KRT86: variants seen among roughly 807,000 people sequenced by gnomAD.
KRT86 encodes keratin 86.
In KRT86, 30 loss-of-function variants were observed where a neutral mutation model predicts 41.2. That is an observed-to-expected ratio of 0.73 (90% confidence interval 0.54 to 0.99). The LOEUF is 0.99. Ranked by LOEUF, KRT86 falls within the 50% of genes least tolerant of loss-of-function variation. The probability of loss-of-function intolerance (pLI) is 0.00; values close to 1 mark genes in which losing one functional copy is unlikely to be tolerated. For synonymous variants in KRT86, 238 were observed against 238.1 expected (o/e 1.00, Z 0.00); for missense variants, 561 against 571.4 (o/e 0.98, Z 0.19).
Position 52,301,992 on chromosome 12 carries a change from T to G in KRT86, c.76T>G (p.Cys26Gly). ...CTGCGGGCCCCGGCCCGGCCGCTGC[T>G]GCATCACCGCCGCCCCCTACCGTGG... The part of the protein sequence containing the change: ...SACGPRPGRC[C>G]ITAAPYRGIS... The change falls in exon 3 of 11, where the codon TGC becomes GGC. Residue 26 changes from cysteine to glycine, a missense_variant. Coordinates refer to ENST00000423955, the MANE Select transcript of KRT86 (RefSeq NM_001320198.2). 2.5e-6 allele frequency: 4 copies of G among 1,612,992 alleles called. No homozygotes were observed. The highest frequency in any genetic ancestry group is 3.4e-6 in the Non-Finnish European group (4 of 1,179,534).
intron 2 of KRT86, among the ~76,000 whole-genome samples, chr12:52,279,790 T>G (rs1335904977): frequency 1.3e-5 from 2 of 152,182 alleles, no homozygotes; most frequent in African/African-American, 4.8e-5. Flanking sequence ...GAGTCTAGCC[T>G]GGGGCCCATA....
chr12:52,301,629 G>T (rs1938377805), intron 2 of KRT86, among the ~76,000 whole-genome samples: 1 of 152,162 alleles, frequency 6.6e-6, no homozygotes, highest in African/African-American at 2.4e-5. Context: ...GTGGGTGTGC[G>T]GGACGTGAGT....
chr12:52,306,037 C>T (rs1381470982), intron 8 of KRT86, 23 bp from the exon 9 acceptor site: 4 of 1,613,422 alleles, frequency 2.5e-6, no homozygotes, highest in Non-Finnish European at 3.4e-6. Context: ...TCTAATCTAC[C>T]TTGTTCTCTC....
At chr12:52,284,870 G>T (rs1202834459) in intron 2 of KRT86, among the ~76,000 whole-genome samples, 1 of 152,158 alleles carries the variant, frequency 6.6e-6, no homozygotes, top group Non-Finnish European at 1.5e-5. Flanking sequence ...TCAGTGTCAA[G>T]TTAATACTTC....
chr12:52,288,259 C>T, intron 2 of KRT86: 1 of 1,601,312 alleles, frequency 6.2e-7, no homozygotes, highest in Non-Finnish European at 8.5e-7. Flanking sequence ...CCTCACACAG[C>T]CTCAGGGACT....
At position 52,309,111 on chromosome 12, in the gene KRT86, C is replaced by G. The variant is rs1246109698; in HGVS notation, c.*526C>G. ...AAAACTAATGACTCTGCTGCCTTCT[C>G]CTTTGTCTTTGTTTCACTCTGTGTT... is the stretch of plus-strand genomic sequence containing the variant. On this transcript the variant is annotated 3_prime_UTR_variant, in exon 11 of 11. Coordinates refer to ENST00000423955, the MANE Select transcript of KRT86 (RefSeq NM_001320198.2). 1 of 155,440 alleles carries G rather than the reference C, an allele frequency of 6.4e-6. No individual in the cohort carries two copies. The highest frequency in any genetic ancestry group is 2.0e-4 in the South Asian group (1 of 4,944). The allele number at this position is 155,440 out of a possible 1,614,324, so 9.6% of individuals were successfully genotyped here. A position where few individuals can be genotyped will look rare whatever the true frequency, so the allele number is the denominator to read the frequency against.
intron 2 of KRT86, among the ~76,000 whole-genome samples, chr12:52,300,825 G>A (rs11170082): frequency 0.15 from 23,243 of 152,144 alleles, 1,807 homozygotes; most frequent in South Asian, 0.24. Context: ...TAACAGTGGT[G>A]CTCATCCCAG....
rs557287445 is a variant in KRT86 at position 52,301,849 on chromosome 12, C to T, written c.-4-64C>T. Reference sequence around the variant, plus strand: ...GGTGCAAGTAGTGAACGCCTGACGCCCCGACCACTGTGCTCTCCATTCGGA... The same window carrying T: ...GGTGCAAGTAGTGAACGCCTGACGCTCCGACCACTGTGCTCTCCATTCGGA... On this transcript the variant is annotated intron_variant, in intron 2 of 10. Transcript: ENST00000423955. The T allele has an allele frequency of 3.1e-6, 5 of 1,613,380 alleles. No individual in the cohort carries two copies. The South Asian group carries it at 5.5e-5, about 18-fold the overall frequency.
At position 52,306,202 on chromosome 12, in the gene KRT86, A is replaced by G. The variant is rs761921829; in HGVS notation, c.1169A>G (p.Gln390Arg). 4 of 1,613,706 alleles carry G rather than the reference A, an allele frequency of 2.5e-6. No individual in the cohort carries two copies. Among genetic ancestry groups the G allele is most frequent in the Non-Finnish European group, 3.4e-6 (4 of 1,180,030 alleles). ...QDMACLIREY[Q>R]EVMNSKLGLD... ...ATGGCCTGCCTGATCAGGGAGTACC[A>G]GGAGGTGATGAACTCCAAGCTGGGC... The change falls in exon 9 of 11, where the codon CAG becomes CGG. Residue 390 changes from glutamine to arginine, a missense_variant. Transcript: ENST00000423955.
At chr12:52,282,866 T>C (rs1305414880) in intron 2 of KRT86, among the ~76,000 whole-genome samples, 15 of 152,338 alleles carry the variant, frequency 9.8e-5, no homozygotes, top group South Asian at 2.1e-4. Flanking sequence ...ATGTCCACCA[T>C]GTATAATCAC....
At chr12:52,288,027 A>G (rs751378962) in intron 2 of KRT86, 76 of 1,614,056 alleles carry the variant, frequency 4.7e-5, no homozygotes, top group Non-Finnish European at 5.9e-5. Context: ...GCTGCGGGTG[A>G]CAATGTCGTC....
chr12:52,287,137 G>A, intron 2 of KRT86: 1 of 1,613,386 alleles, frequency 6.2e-7, no homozygotes, highest in Non-Finnish European at 8.5e-7. Flanking sequence ...GCCTGTAGGT[G>A]GCGATCTCGA....
At chr12:52,306,019 C>G (rs1393254757) in intron 8 of KRT86, 41 bp from the exon 9 acceptor site, 1 of 1,611,398 alleles carries the variant, frequency 6.2e-7, no homozygotes, top group Non-Finnish European at 8.5e-7. Flanking sequence ...TCAGAGAGAC[C>G]CAGGGACTCT....
intron 2 of KRT86, among the ~76,000 whole-genome samples, chr12:52,288,880 A>G (rs895946762): frequency 1.3e-5 from 2 of 151,342 alleles, no homozygotes; most frequent in South Asian, 2.1e-4. Context: ...CCAAAATGCT[A>G]GACAGACTGC....
intron 2 of KRT86, among the ~76,000 whole-genome samples, chr12:52,297,159 C>T (rs1348575900): frequency 6.6e-6 from 1 of 152,238 alleles, no homozygotes; most frequent in Admixed American, 6.5e-5. Context: ...AAAGCTTGTC[C>T]TCACCCTTTC....
Position 52,305,535 on chromosome 12 carries a change from TG to T in KRT86, c.901-126del, listed in dbSNP as rs1938490425. 59 of 1,597,894 alleles carry T rather than the reference TG, an allele frequency of 3.7e-5. No homozygotes were observed. The East Asian group carries it at 1.3e-3, about 36-fold the overall frequency. On this transcript the variant is annotated intron_variant, in intron 7 of 10. Coordinates refer to ENST00000423955, the MANE Select transcript of KRT86 (RefSeq NM_001320198.2). ...GATGGCTGCCACTCTGATGTTGGGG[TG>T]GTAGGGCAGGACTGCCATGTGTGGT...
rs1168909855 is a variant in KRT86, at chr12:52,290,541, C to A, written c.-4-11372C>A. On this transcript the variant is annotated intron_variant, in intron 2 of 10. Transcript: ENST00000423955. Reference sequence around the variant, plus strand: ...TCCCTGGGGAGTTGAGTGACCCCCCCCCCCCAACCCAAGCAGATGAACAGA... The same window carrying A: ...TCCCTGGGGAGTTGAGTGACCCCCCACCCCCAACCCAAGCAGATGAACAGA... 1.2e-4 allele frequency among the ~76,000 whole-genome samples: 2 copies of A among 17,094 alleles called. 1 individual carries two copies. The highest frequency in any genetic ancestry group is 8.3e-4 in the Admixed American group (2 of 2,414). The allele number at this position is 17,094 out of a possible 152,430, so 11.2% of individuals were successfully genotyped here.
At chr12:52,292,999 C>G (rs1938168371) in intron 2 of KRT86, among the ~76,000 whole-genome samples, 1 of 152,148 alleles carries the variant, frequency 6.6e-6, no homozygotes, top group Admixed American at 6.5e-5. Flanking sequence ...ACTACAAATA[C>G]AAAAATTAGC....
rs576095813 is a variant in KRT86 at position 52,280,192 on chromosome 12, G to C, written c.-5+4246G>C. On this transcript the variant is annotated intron_variant, in intron 2 of 10. Transcript: ENST00000423955. ...AGAGGAACAACACACTATGGTGGAG[G>C]AAATTGTGGGCTGTGAAATCAGACG... 6.6e-5 allele frequency among the ~76,000 whole-genome samples: 10 copies of C among 152,318 alleles called. No individual in the cohort carries two copies. The South Asian group carries it at 2.1e-3, about 32-fold the overall frequency.
Sources: gnomAD v4.1 joint callset for allele counts (sites outside exome capture counted in the v4.1 genomes callset) on GRCh38, gnomAD v4.1.1 for gene constraint, MANE v1.5 for transcripts, NCBI Gene and HGNC (gene_info 2026-07-23, HGNC 2026-07-21) for gene names.